The following RIPK1 variants were observed in gnomAD, a reference collection of about 807,000 sequenced individuals.
RIPK1 encodes receptor-interacting serine/threonine-protein kinase 1.
In RIPK1, 27 loss-of-function variants were observed where a neutral mutation model predicts 62.4. That is an observed-to-expected ratio of 0.43 (90% CI 0.32 to 0.60). RIPK1 has a LOEUF of 0.60. Ranked by LOEUF, RIPK1 falls within the 20% of genes least tolerant of loss-of-function variation. The pLI, the probability that RIPK1 is intolerant of heterozygous loss-of-function variation, is 0.07. For missense variants in RIPK1, 735 were observed against 831.0 expected, an observed-to-expected ratio of 0.88 and a Z score of 1.42; for synonymous variants, 287 against 303.2, an observed-to-expected ratio of 0.95 and a Z score of 0.55.
chr6:3,111,748 C>G, intron 10 of RIPK1, among the ~76,000 whole-genome samples: 1 of 152,242 alleles, frequency 6.6e-6, no homozygotes, highest in South Asian at 2.1e-4. Context: ...TGAAGGACAG[C>G]TTTTAAAATA....
intron 6 of RIPK1, among the ~76,000 whole-genome samples, chr6:3,086,685 C>CTG (rs1561758178): frequency 4.6e-5 from 7 of 152,248 alleles, no homozygotes; most frequent in Admixed American, 6.5e-5. Flanking sequence ...TCAAGACACA[C>CTG]CGCATTCCAG....
chr6:3,085,520 TG>T (rs1386833217), intron 6 of RIPK1, 112 bp downstream of exon 6: 1 of 1,146,924 alleles, frequency 8.7e-7, no homozygotes, highest in Admixed American at 2.3e-5. Flanking sequence ...CGACTTGACT[TG>T]TGGTTTTAAA....
At chr6:3,090,102 CAG>C (rs1445156788) in intron 7 of RIPK1, among the ~76,000 whole-genome samples, 1 of 152,172 alleles carries the variant, frequency 6.6e-6, no homozygotes, top group Non-Finnish European at 1.5e-5. Context: ...GGGATGTTGA[CAG>C]GGGAGTCATC....
intron 6 of RIPK1, among the ~76,000 whole-genome samples, chr6:3,088,270 C>G (rs1436951112): frequency 6.6e-6 from 1 of 152,216 alleles, no homozygotes; most frequent in East Asian, 1.9e-4. Flanking sequence ...CACCTAAGGT[C>G]AGAGGCTCCT....
chr6:3,103,986 G>GT lies in RIPK1; in HGVS notation c.916-235dup, dbSNP rs368844405. On this transcript the variant is annotated intron_variant, in intron 7 of 10. Transcript: ENST00000259808. The stretch of plus-strand genomic sequence containing the variant: ...CCTGTCTTTATGCCAGTCCTACGCT[G>GT]TTTTGAATACTGTAGCTTTGTAGTA... Among the ~76,000 whole-genome samples the GT allele has an allele frequency of 2.5e-3, 374 of 152,310 alleles. 2 individuals are homozygous for GT. Among genetic ancestry groups the GT allele is most frequent in the East Asian group, 0.017 (90 of 5,188 alleles).
At chr6:3,066,562 T>G (rs1758390055), upstream of RIPK1, among the ~76,000 whole-genome samples, 1 of 149,674 alleles carries the variant, frequency 6.7e-6, no homozygotes, top group South Asian at 2.1e-4. Context: ...ATGAATAGAC[T>G]TTGTTTTAGA....
chr6:3,078,453 C>G (rs1257048557), intron 3 of RIPK1, among the ~76,000 whole-genome samples: 2 of 152,244 alleles, frequency 1.3e-5, no homozygotes, highest in African/African-American at 4.8e-5. Context: ...GGACAGTCCT[C>G]CATAGTCTGT....
In RIPK1 at chr6:3,105,421, A is replaced by T; in HGVS notation, c.1007-61A>T. 7.5e-7 allele frequency: 1 copy of T among 1,325,046 alleles called. No homozygotes were observed. The highest frequency in any genetic ancestry group is 1.0e-6 in the Non-Finnish European group (1 of 963,306). 82.1% of individuals were successfully genotyped at this position (1,325,046 alleles called of 1,614,324 possible). A position where few individuals can be genotyped will look rare whatever the true frequency, so the allele number is the denominator to read the frequency against. On this transcript the variant is annotated intron_variant, in intron 8 of 10. Coordinates refer to ENST00000259808, the MANE Select transcript of RIPK1 (RefSeq NM_001354930.2). The surrounding 1 kb of genome is among the most constrained non-coding windows in gnomAD (Gnocchi z 4.5). ...GATACAGATTCATGACGGCGCTCAGATTTTATTTTACTTTTTAATGTTTCA... is the reference window on the plus strand; with the variant it reads ...GATACAGATTCATGACGGCGCTCAGTTTTTATTTTACTTTTTAATGTTTCA...
intron 1 of RIPK1, among the ~76,000 whole-genome samples, chr6:3,069,929 T>C (rs1758612878): frequency 6.6e-6 from 1 of 152,128 alleles, no homozygotes; most frequent in Non-Finnish European, 1.5e-5. Flanking sequence ...GAGAATGGCT[T>C]GAACCCAGGA....
At position 3,077,837 on chromosome 6, in the gene RIPK1, G is replaced by A. The variant is rs1322638705; in HGVS notation, c.223G>A (p.Val75Met). The change falls in exon 3 of 11, where the codon GTG (valine) becomes ATG (methionine). Residue 75 changes from valine (V) to methionine (M), a missense_variant. Around this residue, in one of 2 missense-constraint regions of RIPK1, gnomAD observed 671 missense variants for 726.2 expected, o/e 0.92. Transcript: ENST00000259808. ...GATGAACAGACTGAGACACAGCCGG[G>A]TGGTGAAGCTCCTGGGCGTCATCAT... is the stretch of plus-strand genomic sequence containing the variant. ...KMMNRLRHSR[V>M]VKLLGVIIEE... is the part of the protein sequence containing the mutation. The A allele has an allele frequency of 6.2e-7, 1 of 1,614,130 alleles. No individual in the cohort carries two copies. Among genetic ancestry groups the A allele is most frequent in the Admixed American group, 1.7e-5 (1 of 60,016 alleles).
rs961882903 is a variant in RIPK1 at position 3,076,990 on chromosome 6, G to A, written c.164+3G>A. On this transcript the variant is annotated splice_donor_region_variant and intron_variant, in intron 2 of 10. Coordinates refer to ENST00000259808, the MANE Select transcript of RIPK1 (RefSeq NM_001354930.2). ...TACAAGGGGCCCAACTGCATTGAGT[G>A]AGTAGGGAGCAGGGGTGGGTGGGCT... 1.3e-6 allele frequency: 2 copies of A among 1,580,506 alleles called. No homozygotes were observed. The highest frequency in any genetic ancestry group is 1.7e-6 in the Non-Finnish European group (2 of 1,157,774).
chr6:3,065,326 G>T (rs1294496195), upstream of RIPK1, among the ~76,000 whole-genome samples: 1 of 150,936 alleles, frequency 6.6e-6, no homozygotes, highest in Non-Finnish European at 1.5e-5. Context: ...CGGCTGTGGC[G>T]GGGGTGGCTG....
At chr6:3,083,005 A>T in intron 4 of RIPK1, 80 bp from the exon 5 acceptor site, 1 of 1,424,752 alleles carries the variant, frequency 7.0e-7, no homozygotes, top group Non-Finnish European at 9.9e-7. Flanking sequence ...TGTATAATGG[A>T]TAAGCCCAAA....
At position 3,072,886 on chromosome 6, in the gene RIPK1, A is replaced by G. The variant is rs1758807438; in HGVS notation, c.-60-3878A>G. 6.8e-6 allele frequency among the ~76,000 whole-genome samples: 1 copy of G among 148,072 alleles called. No homozygotes were observed. Among genetic ancestry groups the G allele is most frequent in the African/African-American group, 2.7e-5 (1 of 37,424 alleles). ...GAATGAAAAAGGAGGCCTAAAATCAATGTTATCTTTTATGCCCTCTGTCTC... is the reference window on the plus strand; with the variant it reads ...GAATGAAAAAGGAGGCCTAAAATCAGTGTTATCTTTTATGCCCTCTGTCTC... On this transcript the variant is annotated intron_variant, in intron 1 of 10. Coordinates refer to ENST00000259808, the MANE Select transcript of RIPK1 (RefSeq NM_001354930.2). This position sits in a 1 kb window ranked among gnomAD's most constrained non-coding sequence, Gnocchi z 5.6.
chr6:3,084,867 C>A (rs1340501859), intron 5 of RIPK1, among the ~76,000 whole-genome samples: 1 of 152,138 alleles, frequency 6.6e-6, no homozygotes, highest in African/African-American at 2.4e-5. Flanking sequence ...GCTGGGATTA[C>A]AGGTGTGATC....
upstream of RIPK1, among the ~76,000 whole-genome samples, chr6:3,066,078 G>C (rs1758366157): frequency 6.6e-6 from 1 of 152,054 alleles, no homozygotes; most frequent in East Asian, 1.9e-4. Flanking sequence ...CTGTCACCCA[G>C]GCTGGAGCAA....
rs377257871 is a variant in RIPK1, at chr6:3,085,244, G to A, written c.689-15G>A. 50 of 1,613,892 alleles carry A rather than the reference G, an allele frequency of 3.1e-5. No individual in the cohort carries two copies. In the African/African-American group the frequency reaches 6.1e-4, roughly 20 times the overall value. ...AGAGAGGAGCAAGACCTGAAAGAAA[G>A]TCTTTGCTTTGTAGATGCTATCTGT... On this transcript the variant is annotated splice_polypyrimidine_tract_variant and intron_variant, in intron 5 of 10. Transcript: ENST00000259808.
At chr6:3,112,376 G>T (rs1761207736) in intron 10 of RIPK1, among the ~76,000 whole-genome samples, 1 of 152,142 alleles carries the variant, frequency 6.6e-6, no homozygotes, top group Non-Finnish European at 1.5e-5. Context: ...AAAAATGGTG[G>T]TTTTCCCTTT....
chr6:3,100,959 AAATC>A (rs1760561788), intron 7 of RIPK1, among the ~76,000 whole-genome samples: 1 of 152,208 alleles, frequency 6.6e-6, no homozygotes, highest in Non-Finnish European at 1.5e-5. Context: ...TATAAAAAGA[AAATC>A]AATTTGATAA....
Sources: allele counts gnomAD v4.1 joint callset (sites outside exome capture counted in the v4.1 genomes callset), GRCh38; gene constraint gnomAD v4.1.1; regional missense constraint gnomAD v4.1.1; non-coding constraint Gnocchi (gnomAD v3.1); transcripts MANE v1.5; gene names NCBI Gene and HGNC (gene_info 2026-07-23, HGNC 2026-07-21).